Variants in C1orf21 observed in about 807,000 individuals in gnomAD.
The protein encoded by C1orf21 is chromosome 1 open reading frame 21, also known as uncharacterized protein C1orf21.
Under a neutral mutation model 18.7 loss-of-function variants are expected in C1orf21, and 3 were observed. The observed-to-expected ratio is 0.16, with a 90% CI of 0.07 to 0.42. The LOEUF is 0.42. C1orf21 is among the 10% of genes least tolerant of loss of function. The probability of loss-of-function intolerance (pLI) is 0.99; values close to 1 mark genes in which losing one functional copy is unlikely to be tolerated. For synonymous variants in C1orf21, 41 were observed against 46.4 expected (o/e 0.88, Z 0.47); for missense variants, 104 against 143.6 (o/e 0.72, Z 1.41).
At chr1:184,540,904 C>T (rs1658639811) in intron 3 of C1orf21, among the ~76,000 whole-genome samples, 1 of 152,146 alleles carries the variant, frequency 6.6e-6, no homozygotes, top group Admixed American at 6.5e-5. Flanking sequence ...ATTTTTTAAC[C>T]ATTTAAAAGA....
intron 1 of C1orf21, among the ~76,000 whole-genome samples, chr1:184,409,922 A>G (rs1277813375): frequency 3.9e-5 from 6 of 152,238 alleles, no homozygotes; most frequent in Non-Finnish European, 8.8e-5. Context: ...AGACAGCAGA[A>G]TAGGGATTCA....
intron 3 of C1orf21, among the ~76,000 whole-genome samples, chr1:184,527,633 A>G (rs920006320): frequency 6.6e-6 from 1 of 152,076 alleles, no homozygotes; most frequent in African/African-American, 2.4e-5. Context: ...GACTTTGTAT[A>G]CTCTCCTAAC....
intron 3 of C1orf21, among the ~76,000 whole-genome samples, chr1:184,580,034 G>A (rs987327791): frequency 4.6e-5 from 7 of 152,140 alleles, no homozygotes; most frequent in Non-Finnish European, 1.0e-4. Flanking sequence ...TTCTCCAAAA[G>A]TATTGGCTAA....
intron 1 of C1orf21, among the ~76,000 whole-genome samples, chr1:184,472,501 T>A (rs1302414613): frequency 2.0e-5 from 3 of 152,228 alleles, no homozygotes; most frequent in African/African-American, 7.2e-5. Flanking sequence ...AATGAAAAAG[T>A]CCATGACTAA....
intron 3 of C1orf21, among the ~76,000 whole-genome samples, chr1:184,573,102 C>A (rs1268612709): frequency 2.0e-5 from 3 of 151,822 alleles, no homozygotes; most frequent in Non-Finnish European, 4.4e-5. Flanking sequence ...GGAAAAAAAA[C>A]TATTTTAATA....
In C1orf21 at chr1:184,505,404, T is replaced by G. The variant is rs866286407; in HGVS notation, c.95-2184T>G. Among the ~76,000 whole-genome samples the G allele has an allele frequency of 6.7e-5, 10 of 148,424 alleles. No individual in the cohort carries two copies. In the South Asian group the frequency reaches 2.1e-3, roughly 32 times the overall value. ...CCTATATATATTTATATCAGTGTTC[T>G]GTGTATTTAAATAATTAGAAACTCA... On this transcript the variant is annotated intron_variant, in intron 2 of 5. Transcript: ENST00000235307.
chr1:184,422,182 G>A (rs755195190), intron 1 of C1orf21, among the ~76,000 whole-genome samples: 1 of 152,152 alleles, frequency 6.6e-6, no homozygotes, highest in Non-Finnish European at 1.5e-5. Flanking sequence ...CATCAGGGCC[G>A]TGTGGATGTT....
chr1:184,483,648 C>A (rs1157763125), intron 2 of C1orf21, among the ~76,000 whole-genome samples: 1 of 152,192 alleles, frequency 6.6e-6, no homozygotes, highest in Non-Finnish European at 1.5e-5. Context: ...CAGCCCATCA[C>A]CCCAAGAACT....
chr1:184,560,835 C>A (rs1007908304), intron 3 of C1orf21, among the ~76,000 whole-genome samples: 1 of 152,194 alleles, frequency 6.6e-6, no homozygotes, highest in Non-Finnish European at 1.5e-5. Flanking sequence ...TTGAATGATT[C>A]TTTGATCATG....
At chr1:184,481,118 G>C (rs1657648163) in intron 2 of C1orf21, among the ~76,000 whole-genome samples, 3 of 152,092 alleles carry the variant, frequency 2.0e-5, no homozygotes, top group South Asian at 4.2e-4. Context: ...GAAGAGCTAG[G>C]TAGGAAATGG....
chr1:184,506,327 T>C (rs1231492747), intron 2 of C1orf21, among the ~76,000 whole-genome samples: 1 of 152,184 alleles, frequency 6.6e-6, no homozygotes, highest in African/African-American at 2.4e-5. Context: ...CTTGCAGAAA[T>C]ATTACTGTAA....
chr1:184,419,702 G>A (rs148402314), intron 1 of C1orf21, among the ~76,000 whole-genome samples: 220 of 152,242 alleles, frequency 1.4e-3, no homozygotes, highest in African/African-American at 4.7e-3. Context: ...TAACTGGGAG[G>A]GTAACATTTA....
At chr1:184,446,811 T>A (rs1657036539) in intron 1 of C1orf21, among the ~76,000 whole-genome samples, 2 of 150,386 alleles carry the variant, frequency 1.3e-5, no homozygotes, top group African/African-American at 2.4e-5. Context: ...GTTAATTTTT[T>A]AAGGTGTGAT....
chr1:184,389,066 GTATT>G (rs1373821046), intron 1 of C1orf21, among the ~76,000 whole-genome samples: 1 of 152,160 alleles, frequency 6.6e-6, no homozygotes, highest in African/African-American at 2.4e-5. Flanking sequence ...ACAACGGAGT[GTATT>G]TATAGGCGTT....
intron 1 of C1orf21, among the ~76,000 whole-genome samples, chr1:184,438,939 A>G (rs1215634671): frequency 6.6e-6 from 1 of 152,210 alleles, no homozygotes; most frequent in Non-Finnish European, 1.5e-5. Flanking sequence ...GGCTGGGCGC[A>G]GTGGCTCACG....
Position 184,539,861 on chromosome 1 carries a change from A to G in C1orf21, c.189+32179A>G, listed in dbSNP as rs957617902. The G allele has an allele frequency of 3.3e-5, 5 of 152,172 alleles. No homozygotes were observed. The South Asian group carries it at 8.3e-4, about 25-fold the overall frequency. The allele number at this position is 152,172 out of a possible 1,614,324, so 9.4% of individuals were successfully genotyped here. A position where few individuals can be genotyped will look rare whatever the true frequency, so the allele number is the denominator to read the frequency against. On this transcript the variant is annotated intron_variant, in intron 3 of 5. Coordinates refer to ENST00000235307, the MANE Select transcript of C1orf21 (RefSeq NM_030806.4). ...TTAAGACCCAATGCAGAATTCTACA[A>G]TCTCCATTCTGCCTACCATGGTGAC... is the stretch of plus-strand genomic sequence containing the variant.
At chr1:184,412,066 A>T (rs920444301) in intron 1 of C1orf21, 21 of 152,236 alleles carry the variant, frequency 1.4e-4, no homozygotes, top group Non-Finnish European at 2.8e-4. Flanking sequence ...GGATTACATC[A>T]TTGGGGGGTT....
At chr1:184,604,376 C>A (rs908219234) in intron 5 of C1orf21, among the ~76,000 whole-genome samples, 11 of 152,166 alleles carry the variant, frequency 7.2e-5, no homozygotes, top group African/African-American at 2.7e-4. Context: ...TCAGTAGCAA[C>A]CAAAGCCTTC....
At chr1:184,567,012 T>G (rs779403023) in intron 3 of C1orf21, 1 of 521,636 alleles carries the variant, frequency 1.9e-6, no homozygotes, top group Non-Finnish European at 3.9e-6. Flanking sequence ...GAATATAACC[T>G]GGGAACTTGA....
Sources: gnomAD v4.1 joint callset for allele counts (sites outside exome capture counted in the v4.1 genomes callset) on GRCh38, gnomAD v4.1.1 for gene constraint, MANE v1.5 for transcripts, NCBI Gene and HGNC (gene_info 2026-07-23, HGNC 2026-07-21) for gene names.